The following POSTN variants were observed in gnomAD, a reference collection of about 807,000 sequenced individuals.
POSTN encodes osteoblast specific factor 2 (fasciclin I-like).
In POSTN, 71 loss-of-function variants were observed where a neutral mutation model predicts 104.5. That is an observed-to-expected ratio of 0.68 (90% confidence interval 0.56 to 0.83). The LOEUF is 0.83. Among genes scored for constraint, POSTN ranks in the 40% least tolerant of loss-of-function variants. POSTN has a pLI of 0.00. For synonymous variants in POSTN, 355 were observed against 340.7 expected (o/e 1.04, Z -0.46); for missense variants, 949 against 1,006.8 (o/e 0.94, Z 0.78).
intron 21 of POSTN, among the ~76,000 whole-genome samples, chr13:37,567,054 G>C (rs575392261): frequency 1.9e-3 from 281 of 149,292 alleles, no homozygotes; most frequent in African/African-American, 6.8e-3. Context: ...GGCTAAAACG[G>C]TGAAACCCCG....
At position 37,571,477 on chromosome 13, in the gene POSTN, A is replaced by G. The variant is rs755566724; in HGVS notation, c.2090-19T>C. The G allele has an allele frequency of 6.5e-7, 1 of 1,535,340 alleles. No individual in the cohort carries two copies. The highest frequency in any genetic ancestry group is 9.0e-7 in the Non-Finnish European group (1 of 1,111,812). ...GTGGGTCCTGGGACATTATTTTAGG[A>G]GACAAATTATCATGTTAAAACAGTC... On this transcript the variant is annotated intron_variant, in intron 17 of 22. Coordinates refer to ENST00000379747, the MANE Select transcript of POSTN (RefSeq NM_006475.3).
chr13:37,586,056 A>G lies in POSTN; in HGVS notation c.895+83T>C, dbSNP rs1950733374. The G allele has an allele frequency of 1.8e-5, 24 of 1,322,804 alleles. No individual in the cohort carries two copies. In the East Asian group the frequency reaches 5.2e-4, roughly 29 times the overall value. 81.9% of individuals were successfully genotyped at this position (1,322,804 alleles called of 1,614,324 possible). A position where few individuals can be genotyped will look rare whatever the true frequency, so the allele number is the denominator to read the frequency against. ...TCCCTGCCTTTGCTTATTAAAACTAATATTATTGGTAAGGACTAGCCTCTT... is the reference window on the plus strand; with the variant it reads ...TCCCTGCCTTTGCTTATTAAAACTAGTATTATTGGTAAGGACTAGCCTCTT... On this transcript the variant is annotated intron_variant, in intron 7 of 22. Coordinates refer to ENST00000379747, the MANE Select transcript of POSTN (RefSeq NM_006475.3).
Position 37,579,104 on chromosome 13 carries a change from C to T in POSTN, c.1809G>A (p.Leu603=). The change falls in exon 14 of 23, where the codon CTG becomes CTA. Residue 603 remains leucine (L), a synonymous_variant. Transcript: ENST00000379747. ...ATTCTTTTGATTTCAATTCATTCACCAGAAGTGTATCATTTACCTATCAAA... is the reference window on the plus strand; with the variant it reads ...ATTCTTTTGATTTCAATTCATTCACTAGAAGTGTATCATTTACCTATCAAA... ...IFLKEVNDTL[L]VNELKSKESD... 3 of 1,612,692 alleles carry T rather than the reference C, an allele frequency of 1.9e-6. No individual in the cohort carries two copies. In the South Asian group the frequency reaches 3.3e-5, roughly 18 times the overall value.
At chr13:37,581,816 T>C (rs936058326) in intron 10 of POSTN, among the ~76,000 whole-genome samples, 19 of 152,224 alleles carry the variant, frequency 1.2e-4, no homozygotes, top group Admixed American at 6.5e-4. Flanking sequence ...TCAAAAGATA[T>C]TCAGATGCTG....
chr13:37,584,899 G>T lies in POSTN; in HGVS notation c.925C>A (p.Leu309Ile). The T allele has an allele frequency of 6.2e-7, 1 of 1,613,782 alleles. No homozygotes were observed. The highest frequency in any genetic ancestry group is 8.5e-7 in the Non-Finnish European group (1 of 1,179,888). Reference sequence around the variant, plus strand: ...CCCATAATAGACTCAGAACACTGGAGAGTATTTAAGATGTGGTACTTCATA... The same window carrying T: ...CCCATAATAGACTCAGAACACTGGATAGTATTTAAGATGTGGTACTTCATA... ...ALMKYHILNTLQCSESIMGGA... is the reference protein window; with the variant it reads ...ALMKYHILNTIQCSESIMGGA... Residue 309 changes from leucine (L) to isoleucine (I), a missense_variant, in exon 8 of 23, where the codon CTC becomes ATC. Coordinates refer to ENST00000379747, the MANE Select transcript of POSTN (RefSeq NM_006475.3).
chr13:37,589,390 C>A (rs1366061568), intron 4 of POSTN, among the ~76,000 whole-genome samples: 1 of 151,922 alleles, frequency 6.6e-6, no homozygotes, highest in Non-Finnish European at 1.5e-5. Context: ...GGTACATGTG[C>A]ACAACGTGAA....
At chr13:37,576,710 T>C (rs1950420166) in intron 16 of POSTN, among the ~76,000 whole-genome samples, 1 of 152,134 alleles carries the variant, frequency 6.6e-6, no homozygotes, top group African/African-American at 2.4e-5. Flanking sequence ...AAACATATTT[T>C]TTACAAGATT....
Position 37,580,617 on chromosome 13 carries a change from G to C in POSTN, c.1473C>G (p.Ile491Met). The C allele has an allele frequency of 6.2e-7, 1 of 1,614,050 alleles. No homozygotes were observed. Among genetic ancestry groups the C allele is most frequent in the Non-Finnish European group, 8.5e-7 (1 of 1,179,976 alleles). ...GGAGGGATTTCTCTGCTGGCTTGATGATCTCGCGGAATATGTGAATCGCAC... is the reference window on the plus strand; with the variant it reads ...GGAGGGATTTCTCTGCTGGCTTGATCATCTCGCGGAATATGTGAATCGCAC... ...RNGAIHIFRE[I>M]IKPAEKSLHE... is the part of the protein sequence containing the mutation. Residue 491 changes from isoleucine to methionine, a missense_variant, in exon 11 of 23, where the codon ATC (isoleucine) becomes ATG (methionine). Physicochemically the swap from Ile to Met is conservative, Grantham distance 10. Transcript: ENST00000379747.
intron 10 of POSTN, 148 bp downstream of exon 10, chr13:37,582,218 C>G (rs1390210193): frequency 9.4e-6 from 8 of 852,514 alleles, no homozygotes; most frequent in South Asian, 2.4e-5. Flanking sequence ...TGCTCACAGT[C>G]TTTTCACCCA....
intron 1 of POSTN, 43 bp downstream of exon 1, chr13:37,598,565 A>G (rs1040712174): frequency 1.3e-6 from 2 of 1,574,838 alleles, no homozygotes; most frequent in Non-Finnish European, 1.7e-6. Flanking sequence ...TAACAAGCTG[A>G]GGAAAAAGAA....
At position 37,577,782 on chromosome 13, in the gene POSTN, G is replaced by A. The variant is rs1453152939; in HGVS notation, c.1979C>T (p.Thr660Ile). The change falls in exon 16 of 23, where the codon ACC becomes ATC. Residue 660 changes from threonine (T) to isoleucine (I), a missense_variant. Transcript: ENST00000379747. ...YIQIKFVRGS[T>I]FKEIPVTVYT... Reference sequence around the variant, plus strand: ...GACAGTCACGGGGATTTCTTTGAAGGTGCTACCACGAACAAACTGAAAATA... The same window carrying A: ...GACAGTCACGGGGATTTCTTTGAAGATGCTACCACGAACAAACTGAAAATA... The A allele has an allele frequency of 6.2e-7, 1 of 1,613,488 alleles. No individual in the cohort carries two copies. The highest frequency in any genetic ancestry group is 1.1e-5 in the South Asian group (1 of 91,026).
intron 4 of POSTN, among the ~76,000 whole-genome samples, chr13:37,589,079 A>C (rs1262697457): frequency 6.6e-6 from 1 of 152,198 alleles, no homozygotes; most frequent in African/African-American, 2.4e-5. Flanking sequence ...CAACAAAAAA[A>C]ACCAATTATT....
intron 16 of POSTN, among the ~76,000 whole-genome samples, chr13:37,576,681 G>A (rs1193673753): frequency 6.6e-6 from 1 of 151,994 alleles, no homozygotes; most frequent in Non-Finnish European, 1.5e-5. Context: ...GAGCCCATAA[G>A]GATTGCTTAA....
rs1451316500 is a variant in POSTN, at chr13:37,598,753, C to T, written c.-27G>A. 6.2e-7 allele frequency: 1 copy of T among 1,609,248 alleles called. No individual in the cohort carries two copies. The highest frequency in any genetic ancestry group is 1.7e-5 in the Admixed American group (1 of 59,878). The stretch of plus-strand genomic sequence containing the variant: ...TTGAGTCTCTCCGTTGCAGTTAGTC[C>T]CCGAAGAGAACTGGCAGTGGGCTTT... On this transcript the variant is annotated 5_prime_UTR_variant, in exon 1 of 23. Coordinates refer to ENST00000379747, the MANE Select transcript of POSTN (RefSeq NM_006475.3).
At chr13:37,569,193 T>C in intron 21 of POSTN, 107 bp downstream of exon 21, 1 of 729,018 alleles carries the variant, frequency 1.4e-6, no homozygotes, top group South Asian at 1.9e-5. Context: ...GTTGTCTTTT[T>C]TTTTTTTAAC....
chr13:37,563,137 C>G lies in POSTN; in HGVS notation c.*196G>C. The G allele has an allele frequency of 2.4e-6, 1 of 411,348 alleles. No individual in the cohort carries two copies. Among genetic ancestry groups the G allele is most frequent in the Non-Finnish European group, 4.4e-6 (1 of 227,128 alleles). The allele number at this position is 411,348 out of a possible 1,614,324, so 25.5% of individuals were successfully genotyped here. On this transcript the variant is annotated 3_prime_UTR_variant, in exon 23 of 23. Transcript: ENST00000379747. ...TATATTTTCTTCAATTCCTTTACCA[C>G]AGGAGGCTAACTCCACAATTTCCCT...
In POSTN at chr13:37,597,406, G is replaced by A; in HGVS notation, c.120-124C>T. 3 of 646,712 alleles carry A rather than the reference G, an allele frequency of 4.6e-6. No homozygotes were observed. In the South Asian group the frequency reaches 6.0e-5, roughly 13 times the overall value. The allele number at this position is 646,712 out of a possible 1,614,324, so 40.1% of individuals were successfully genotyped here. A position where few individuals can be genotyped will look rare whatever the true frequency, so the allele number is the denominator to read the frequency against. ...TTTGATATCCAAAGACATGATTCTA[G>A]CCTTGCACAAATCTAATTATTGACA... On this transcript the variant is annotated intron_variant, in intron 1 of 22. Coordinates refer to ENST00000379747, the MANE Select transcript of POSTN (RefSeq NM_006475.3).
chr13:37,590,516 G>T lies in POSTN; in HGVS notation c.297C>A (p.Asp99Glu). Residue 99 changes from aspartate (D) to glutamate (E), a missense_variant, in exon 4 of 23, where the codon GAC (aspartate) becomes GAA (glutamate). By Grantham distance (45) the Asp-to-Glu change is conservative. Coordinates refer to ENST00000379747, the MANE Select transcript of POSTN (RefSeq NM_006475.3). ...CGATGCCCAGAGTGCCATAAACATG[G>T]TCAATGGGCAAAACTGAAATAATCA... ...MKGCPAVLPI[D>E]HVYGTLGIVG... is the part of the protein sequence containing the mutation. 1 of 1,610,980 alleles carries T rather than the reference G, an allele frequency of 6.2e-7. No homozygotes were observed. Among genetic ancestry groups the T allele is most frequent in the Non-Finnish European group, 8.5e-7 (1 of 1,178,000 alleles).
At chr13:37,571,487 T>A in intron 17 of POSTN, 29 bp from the exon 18 acceptor site, 2 of 1,505,470 alleles carry the variant, frequency 1.3e-6, no homozygotes, top group Non-Finnish European at 1.8e-6. Context: ...AGACAAATTA[T>A]CATGTTAAAA....
Sources: allele counts gnomAD v4.1 joint callset (sites outside exome capture counted in the v4.1 genomes callset), GRCh38; gene constraint gnomAD v4.1.1; transcripts MANE v1.5; gene names NCBI Gene and HGNC (gene_info 2026-07-23, HGNC 2026-07-21).